Variants in MAML2 observed in about 807,000 individuals in gnomAD.
MAML2 encodes the protein mastermind-like protein 2.
A neutral mutation model predicts 96.1 loss-of-function variants in MAML2; 22 were observed. The observed-to-expected ratio is 0.23, with a 90% confidence interval of 0.16 to 0.33. The LOEUF is 0.33. Ranked by LOEUF, MAML2 falls within the 10% of genes least tolerant of loss-of-function variation. The pLI is 1.00. For missense variants in MAML2, 1,367 were observed against 1,392.4 expected, an observed-to-expected ratio of 0.98 and a Z score of 0.29; for synonymous variants, 561 against 521.3, an observed-to-expected ratio of 1.08 and a Z score of -1.04.
chr11:96,163,432 C>T (rs1039453911), intron 1 of MAML2, among the ~76,000 whole-genome samples: 2 of 152,244 alleles, frequency 1.3e-5, no homozygotes, highest in African/African-American at 2.4e-5. Context: ...CAATATCATT[C>T]TTCCAATCAT....
At chr11:96,228,448 A>AACTTCCAAACACTTTCCCC (rs1230362878) in intron 1 of MAML2, among the ~76,000 whole-genome samples, 3 of 152,276 alleles carry the variant, frequency 2.0e-5, no homozygotes, top group African/African-American at 7.2e-5. Flanking sequence ...CCACTTTTCC[A>AACTTCCAAACACTTTCCCC]ACTTCCAAAC....
intron 1 of MAML2, among the ~76,000 whole-genome samples, chr11:96,288,286 T>C (rs1863165636): frequency 6.6e-6 from 1 of 151,994 alleles, no homozygotes; most frequent in Admixed American, 6.6e-5. Context: ...GAACAAGGTA[T>C]AAAACAGATA....
intron 1 of MAML2, among the ~76,000 whole-genome samples, chr11:96,203,636 A>G (rs529690515): frequency 6.6e-6 from 1 of 152,386 alleles, no homozygotes; most frequent in East Asian, 1.9e-4. Flanking sequence ...CGCAAGTCAC[A>G]GAGAAATACA....
intron 2 of MAML2, among the ~76,000 whole-genome samples, chr11:96,083,848 T>C (rs1859565695): frequency 6.6e-6 from 1 of 152,090 alleles, no homozygotes; most frequent in Non-Finnish European, 1.5e-5. Context: ...AACAAAGATA[T>C]ATGAGAGGTA....
chr11:96,076,891 C>T (rs932299947), intron 2 of MAML2, among the ~76,000 whole-genome samples: 2 of 152,088 alleles, frequency 1.3e-5, no homozygotes, highest in Non-Finnish European at 2.9e-5. Flanking sequence ...CCTTTGGATC[C>T]ATGTTGCATT....
At position 96,195,058 on chromosome 11, in the gene MAML2, A is replaced by C. The variant is rs143396026; in HGVS notation, c.514-101541T>G. Reference sequence around the variant, plus strand: ...ATTAGAAGAGCTAAGCATTTTGAACAGTATAGACATCTAAGTTATATAAAC... The same window carrying C: ...ATTAGAAGAGCTAAGCATTTTGAACCGTATAGACATCTAAGTTATATAAAC... On this transcript the variant is annotated intron_variant, in intron 1 of 4. Coordinates refer to ENST00000524717, the MANE Select transcript of MAML2 (RefSeq NM_032427.4). 6.1e-3 allele frequency among the ~76,000 whole-genome samples: 929 copies of C among 152,350 alleles called. 8 individuals carry two copies. Among genetic ancestry groups the C allele is most frequent in the African/African-American group, 0.018 (768 of 41,580 alleles).
At chr11:96,106,623 G>A (rs1285355815) in intron 1 of MAML2, among the ~76,000 whole-genome samples, 1 of 152,116 alleles carries the variant, frequency 6.6e-6, no homozygotes, top group African/African-American at 2.4e-5. Flanking sequence ...GCTTGAGTCT[G>A]CTTAAAATTT....
intron 2 of MAML2, among the ~76,000 whole-genome samples, chr11:96,024,351 T>G (rs1416813934): frequency 1.3e-5 from 2 of 152,234 alleles, no homozygotes; most frequent in African/African-American, 4.8e-5. Context: ...CTATACAAAC[T>G]AGAGAACTTA....
rs117777752 is a variant in MAML2, at chr11:96,001,800, A to G, written c.2140-10077T>C. On this transcript the variant is annotated intron_variant, in intron 2 of 4. Coordinates refer to ENST00000524717, the MANE Select transcript of MAML2 (RefSeq NM_032427.4). ...CCAAGAATGGTATAAAAGGCCTTCC[A>G]TGATCTGGGCTCTGCATCTTTCTCC... is the stretch of plus-strand genomic sequence containing the variant. Among the ~76,000 whole-genome samples, 52 of 152,330 alleles carry G rather than the reference A, an allele frequency of 3.4e-4. No homozygotes were observed. In the East Asian group the frequency reaches 8.5e-3, roughly 25 times the overall value.
chr11:96,300,285 T>C (rs1863368424), intron 1 of MAML2, among the ~76,000 whole-genome samples: 1 of 152,180 alleles, frequency 6.6e-6, no homozygotes, highest in African/African-American at 2.4e-5. Context: ...TATTGAAATC[T>C]GCCAGGATGA....
chr11:96,025,745 T>C (rs1858508026), intron 2 of MAML2, among the ~76,000 whole-genome samples: 1 of 152,278 alleles, frequency 6.6e-6, no homozygotes, highest in South Asian at 2.1e-4. Flanking sequence ...GTATTTTTAG[T>C]AGAGTTGAGG....
intron 2 of MAML2, among the ~76,000 whole-genome samples, chr11:96,050,633 C>A (rs1406771761): frequency 6.6e-6 from 1 of 152,140 alleles, no homozygotes; most frequent in Non-Finnish European, 1.5e-5. Context: ...AAAAATGACC[C>A]CTCATTGGTA....
chr11:96,007,945 G>A (rs917765462), intron 2 of MAML2, among the ~76,000 whole-genome samples: 4 of 150,522 alleles, frequency 2.7e-5, no homozygotes, highest in Non-Finnish European at 5.9e-5. Context: ...GTTAGTGGGT[G>A]CAGCGCACCA....
intron 1 of MAML2, among the ~76,000 whole-genome samples, chr11:96,113,033 T>C (rs1281745412): frequency 1.3e-5 from 2 of 152,166 alleles, no homozygotes; most frequent in African/African-American, 4.8e-5. Context: ...AGAAATATGT[T>C]TGGCTTCATC....
At chr11:96,040,359 TACAC>T (rs1433443191) in intron 2 of MAML2, among the ~76,000 whole-genome samples, 5 of 152,282 alleles carry the variant, frequency 3.3e-5, no homozygotes, top group African/African-American at 1.2e-4. Context: ...TGCAGTATAA[TACAC>T]ACACAGAAAA....
At chr11:96,168,009 C>G (rs1052928456) in intron 1 of MAML2, among the ~76,000 whole-genome samples, 8 of 152,154 alleles carry the variant, frequency 5.3e-5, no homozygotes, top group African/African-American at 1.9e-4. Context: ...GGGAGGGTTG[C>G]TGCAATAACC....
intron 2 of MAML2, among the ~76,000 whole-genome samples, chr11:96,043,109 C>T (rs746670844): frequency 1.3e-5 from 2 of 152,178 alleles, no homozygotes; most frequent in Admixed American, 6.5e-5. Flanking sequence ...AGGGAACACA[C>T]AAAGAACACC....
At chr11:96,285,331 G>C (rs1863124165) in intron 1 of MAML2, among the ~76,000 whole-genome samples, 1 of 152,082 alleles carries the variant, frequency 6.6e-6, no homozygotes, top group Non-Finnish European at 1.5e-5. Flanking sequence ...AAAGTAAGAT[G>C]GATTAAAGAC....
chr11:96,327,274 T>C (rs1470408856), intron 1 of MAML2, among the ~76,000 whole-genome samples: 1 of 152,166 alleles, frequency 6.6e-6, no homozygotes, highest in African/African-American at 2.4e-5. Context: ...GGTCATCCTG[T>C]TAGTTAAAGC....
Sources: allele counts gnomAD v4.1 joint callset (sites outside exome capture counted in the v4.1 genomes callset), GRCh38; gene constraint gnomAD v4.1.1; transcripts MANE v1.5; gene names NCBI Gene and HGNC (gene_info 2026-07-23, HGNC 2026-07-21).